The following GNAL variants were observed in gnomAD, a reference collection of about 807,000 sequenced individuals.
GNAL encodes G protein subunit alpha L.
In GNAL, 18 loss-of-function variants were observed where a neutral mutation model predicts 55.1. That is an observed-to-expected ratio of 0.33 (90% confidence interval 0.23 to 0.48). The LOEUF (loss-of-function observed/expected upper bound fraction) is 0.48. Among genes scored for constraint, GNAL ranks in the 20% least tolerant of loss-of-function variants. GNAL has a pLI of 0.99. For missense variants in GNAL, 412 were observed against 614.1 expected (o/e 0.67, Z 3.48); for synonymous variants, 253 against 237.0 (o/e 1.07, Z -0.62).
rs746681260 is a variant in GNAL, at chr18:11,753,867, G to A, written c.546G>A (p.Pro182=). ...TGAGTACTATAATACCTCCAGTTCC[G>A]CTGGCCAACCCTGAAAACCAATTTC... The part of the protein sequence containing the change: ...SAMSTIIPPV[P]LANPENQFRS... The change falls in exon 4 of 12, where the codon CCG becomes CCA. Residue 182 remains proline (P), a synonymous_variant. Coordinates refer to ENST00000334049, the MANE Select transcript of GNAL (RefSeq NM_182978.4). 10 of 1,608,504 alleles carry A rather than the reference G, an allele frequency of 6.2e-6. No homozygotes were observed. Among genetic ancestry groups the A allele is most frequent in the East Asian group, 4.5e-5 (2 of 44,830 alleles).
intron 4 of GNAL, among the ~76,000 whole-genome samples, chr18:11,776,905 T>C (rs1725586134): frequency 6.6e-6 from 1 of 152,092 alleles, no homozygotes; most frequent in Admixed American, 6.6e-5. Flanking sequence ...CTGATAGTCA[T>C]TTGTGCTTTC....
intron 5 of GNAL, among the ~76,000 whole-genome samples, chr18:11,830,864 G>A (rs2035365190): frequency 6.6e-6 from 1 of 152,146 alleles, no homozygotes; most frequent in African/African-American, 2.4e-5. Flanking sequence ...CTAAGTGAAA[G>A]AAATAAGACA....
chr18:11,811,767 T>C (rs575865970), intron 4 of GNAL, among the ~76,000 whole-genome samples: 1 of 152,330 alleles, frequency 6.6e-6, no homozygotes, highest in Non-Finnish European at 1.5e-5. Context: ...TCCATTTTGC[T>C]TCTCAACAGG....
intron 4 of GNAL, among the ~76,000 whole-genome samples, chr18:11,816,382 T>C (rs1444856169): frequency 6.6e-6 from 1 of 151,964 alleles, no homozygotes; most frequent in African/African-American, 2.4e-5. Context: ...CTGCAGCCTC[T>C]GCCTCCCGGG....
chr18:11,851,790 T>C, intron 5 of GNAL: 1 of 1,613,958 alleles, frequency 6.2e-7, no homozygotes, highest in Non-Finnish European at 8.5e-7. Context: ...AGTCGATGGC[T>C]GGTGTGGTTA....
intron 4 of GNAL, among the ~76,000 whole-genome samples, chr18:11,811,636 T>C (rs1018207964): frequency 2.6e-5 from 4 of 152,196 alleles, no homozygotes; most frequent in Non-Finnish European, 4.4e-5. Flanking sequence ...TACACTAAAA[T>C]TTGCCAACAG....
intron 1 of GNAL, among the ~76,000 whole-genome samples, chr18:11,698,721 G>A (rs924817247): frequency 6.6e-6 from 1 of 152,074 alleles, no homozygotes; most frequent in Non-Finnish European, 1.5e-5. Context: ...GACTGGAATG[G>A]TGGGTGCTCC....
chr18:11,879,907 C>T (rs1380152549), intron 11 of GNAL, among the ~76,000 whole-genome samples: 8 of 152,216 alleles, frequency 5.3e-5, no homozygotes, highest in African/African-American at 1.2e-4. Context: ...GTGTGGAGGC[C>T]GCCACCGGGC....
At chr18:11,879,108 AATAT>A (rs1225517405) in intron 11 of GNAL, among the ~76,000 whole-genome samples, 2 of 9,096 alleles carry the variant, frequency 2.2e-4, no homozygotes, top group African/African-American at 1.3e-3. Context: ...AGTATAATAA[AATAT>A]ATATATATTA....
chr18:11,794,644 C>G (rs1017557834), intron 4 of GNAL, among the ~76,000 whole-genome samples: 2 of 150,770 alleles, frequency 1.3e-5, no homozygotes, highest in African/African-American at 4.9e-5. Context: ...AAATGCCTTT[C>G]AACTAGAGGG....
intron 5 of GNAL, among the ~76,000 whole-genome samples, chr18:11,855,309 A>G (rs2035980513): frequency 1.3e-5 from 2 of 152,158 alleles, no homozygotes; most frequent in Admixed American, 1.3e-4. Flanking sequence ...ACTTCCCTAC[A>G]CCAAAGATGG....
At chr18:11,788,928 T>TATATAC (rs1555650668) in intron 4 of GNAL, among the ~76,000 whole-genome samples, 1,204 of 114,832 alleles carry the variant, frequency 0.01, 27 homozygotes, top group Admixed American at 0.042. Flanking sequence ...TATATATATA[T>TATATAC]ATATATATAC....
At chr18:11,798,823 A>G (rs928839995) in intron 4 of GNAL, among the ~76,000 whole-genome samples, 6 of 152,182 alleles carry the variant, frequency 3.9e-5, no homozygotes, top group Non-Finnish European at 8.8e-5. Flanking sequence ...GTAGTTTAAC[A>G]TACGTTAAAT....
rs903795489 is a variant in GNAL at position 11,868,719 on chromosome 18, A to C, written c.1031+56A>C. The C allele has an allele frequency of 6.7e-7, 1 of 1,496,848 alleles. No individual in the cohort carries two copies. Among genetic ancestry groups the C allele is most frequent in the Non-Finnish European group, 9.2e-7 (1 of 1,091,032 alleles). 92.7% of individuals were successfully genotyped at this position (1,496,848 alleles called of 1,614,324 possible). ...TTGGATTGCAAATTTTCTTTTGTTA[A>C]AAATACGCTCAGGCCAGGCGTTGTG... is the stretch of plus-strand genomic sequence containing the variant. On this transcript the variant is annotated intron_variant, in intron 9 of 11. Transcript: ENST00000334049. This position sits in a 1 kb window ranked among gnomAD's most constrained non-coding sequence, Gnocchi z 4.0.
intron 5 of GNAL, chr18:11,851,384 C>A: frequency 8.1e-7 from 1 of 1,235,430 alleles, no homozygotes; most frequent in Non-Finnish European, 1.1e-6. Context: ...ACCACCTGCG[C>A]CGCTCACAGT....
Position 11,817,554 on chromosome 18 carries a change from G to A in GNAL, c.625-7364G>A, listed in dbSNP as rs997823799. On this transcript the variant is annotated intron_variant, in intron 4 of 11. Coordinates refer to ENST00000334049, the MANE Select transcript of GNAL (RefSeq NM_182978.4). The stretch of plus-strand genomic sequence containing the variant: ...GCTAGGAAAGATGCTTTCCCCTCAG[G>A]AACTGCAAAGGCTTTTAATTGGCTT... Among the ~76,000 whole-genome samples the A allele has an allele frequency of 3.9e-4, 59 of 152,140 alleles. 1 individual carries two copies. The highest frequency in any genetic ancestry group is 1.3e-3 in the African/African-American group (53 of 41,426).
At chr18:11,809,105 A>G (rs906257162) in intron 4 of GNAL, among the ~76,000 whole-genome samples, 1 of 152,162 alleles carries the variant, frequency 6.6e-6, no homozygotes, top group Non-Finnish European at 1.5e-5. Flanking sequence ...CTAAAAAACA[A>G]AAATTAGCTA....
chr18:11,728,464 C>T (rs888174550), intron 1 of GNAL, among the ~76,000 whole-genome samples: 1 of 152,156 alleles, frequency 6.6e-6, no homozygotes, highest in African/African-American at 2.4e-5. Flanking sequence ...CATTTTTACA[C>T]TTGCTTCCAG....
At chr18:11,831,759 A>G (rs2035388256) in intron 5 of GNAL, among the ~76,000 whole-genome samples, 1 of 152,244 alleles carries the variant, frequency 6.6e-6, no homozygotes, top group African/African-American at 2.4e-5. Flanking sequence ...ATTCTTACCT[A>G]GCCTTGTCCC....
Sources: gnomAD v4.1 joint callset for allele counts (sites outside exome capture counted in the v4.1 genomes callset) on GRCh38, gnomAD v4.1.1 for gene constraint, Gnocchi (gnomAD v3.1) non-coding constraint, MANE v1.5 for transcripts, NCBI Gene and HGNC (gene_info 2026-07-23, HGNC 2026-07-21) for gene names.